SOBP: variants seen among roughly 807,000 people sequenced by gnomAD.
SOBP encodes sine oculis-binding protein homolog.
Under a neutral mutation model 53.6 loss-of-function variants are expected in SOBP, and 4 were observed. That is an observed-to-expected ratio of 0.07 (90% CI 0.04 to 0.17). SOBP has a LOEUF of 0.17. Ranked by LOEUF, SOBP falls within the 10% of genes least tolerant of loss-of-function variation. SOBP has a pLI of 1.00. For missense variants in SOBP, 1,088 were observed against 1,204.7 expected, an observed-to-expected ratio of 0.90 and a Z score of 1.43; for synonymous variants, 584 against 522.6, an observed-to-expected ratio of 1.12 and a Z score of -1.60.
rs991059925 is a variant in SOBP, at chr6:107,658,444, T to A, written c.*241T>A. The A allele has an allele frequency of 6.6e-6, 1 of 152,432 alleles. No individual in the cohort carries two copies. The highest frequency in any genetic ancestry group is 2.4e-5 in the African/African-American group (1 of 41,348). The allele number at this position is 152,432 out of a possible 1,614,324, so 9.4% of individuals were successfully genotyped here. A position where few individuals can be genotyped will look rare whatever the true frequency, so the allele number is the denominator to read the frequency against. ...AGGCCCAGCCTTCCTGCTGCCACCA[T>A]CTCTGCTTCTCCCCAGAGGAACTTA... On this transcript the variant is annotated 3_prime_UTR_variant, in exon 7 of 7. Coordinates refer to ENST00000317357, the MANE Select transcript of SOBP (RefSeq NM_018013.4).
At chr6:107,620,916 T>A (rs553731440) in intron 5 of SOBP, among the ~76,000 whole-genome samples, 26 of 152,310 alleles carry the variant, frequency 1.7e-4, no homozygotes, top group African/African-American at 6.0e-4. Context: ...AGTACAGTTT[T>A]CTTCTGCATC....
chr6:107,574,653 C>T (rs1319198978), intron 4 of SOBP, among the ~76,000 whole-genome samples: 1 of 152,160 alleles, frequency 6.6e-6, no homozygotes, highest in Admixed American at 6.5e-5. Flanking sequence ...CCTGGCACCA[C>T]TCCTATTTCA....
At chr6:107,564,496 T>A (rs182205713) in intron 4 of SOBP, among the ~76,000 whole-genome samples, 8 of 150,460 alleles carry the variant, frequency 5.3e-5, no homozygotes, top group Admixed American at 1.3e-4. Flanking sequence ...CAGGGCATAA[T>A]CTGCATTCCC....
intron 2 of SOBP, among the ~76,000 whole-genome samples, chr6:107,504,113 C>G (rs1312971623): frequency 6.6e-6 from 1 of 152,210 alleles, no homozygotes; most frequent in Non-Finnish European, 1.5e-5. Context: ...GTTTCCTGAT[C>G]ACTTTGATAG....
intron 4 of SOBP, among the ~76,000 whole-genome samples, chr6:107,549,654 TAGTA>T (rs1353265859): frequency 8.5e-5 from 13 of 152,238 alleles, no homozygotes; most frequent in African/African-American, 3.1e-4. Flanking sequence ...ATTTAGTACT[TAGTA>T]AGTATCAGTT....
At position 107,660,790 on chromosome 6, in the gene SOBP, C is replaced by T. The variant is rs755753078; in HGVS notation, c.*2587C>T. 1.3e-5 allele frequency among the ~76,000 whole-genome samples: 2 copies of T among 152,200 alleles called. No individual in the cohort carries two copies. The highest frequency in any genetic ancestry group is 2.4e-5 in the African/African-American group (1 of 41,444). On this transcript the variant is annotated 3_prime_UTR_variant, in exon 7 of 7. Coordinates refer to ENST00000317357, the MANE Select transcript of SOBP (RefSeq NM_018013.4). ...AAGCAACTCGACCTGTTCAGAGTCT[C>T]GCACTTAGTTGATTTAGCTTCTCAA...
intron 6 of SOBP, among the ~76,000 whole-genome samples, chr6:107,642,979 A>G (rs1307950171): frequency 1.3e-5 from 2 of 152,270 alleles, no homozygotes; most frequent in African/African-American, 2.4e-5. Context: ...TCAATTTGTA[A>G]TGATATCCTC....
At chr6:107,569,540 T>C (rs1785010621) in intron 4 of SOBP, among the ~76,000 whole-genome samples, 1 of 152,184 alleles carries the variant, frequency 6.6e-6, no homozygotes. Context: ...CCTCAACTTT[T>C]CGTTACTTTG....
intron 6 of SOBP, among the ~76,000 whole-genome samples, chr6:107,651,753 C>G (rs1771810359): frequency 6.6e-6 from 1 of 152,218 alleles, no homozygotes; most frequent in Non-Finnish European, 1.5e-5. Flanking sequence ...GGCTGACTCT[C>G]TTGGTAGGGG....
chr6:107,591,023 A>G lies in SOBP; in HGVS notation c.669+3848A>G, dbSNP rs576307215. ...TCAGTAGGAGAAATAAGGCACATAC[A>G]GTATCATAGTCGTCAAAAATGTGGG... On this transcript the variant is annotated intron_variant, in intron 5 of 6. Coordinates refer to ENST00000317357, the MANE Select transcript of SOBP (RefSeq NM_018013.4). Among the ~76,000 whole-genome samples the G allele has an allele frequency of 2.0e-5, 3 of 152,338 alleles. No individual in the cohort carries two copies. The East Asian group carries it at 5.8e-4, about 29-fold the overall frequency.
intron 4 of SOBP, among the ~76,000 whole-genome samples, chr6:107,537,933 A>G (rs1182631270): frequency 1.3e-5 from 2 of 152,200 alleles, no homozygotes; most frequent in Non-Finnish European, 2.9e-5. Flanking sequence ...ATAAGGATGC[A>G]TTAAAAAGAA....
chr6:107,533,620 C>A lies in SOBP; in HGVS notation c.573+10C>A, dbSNP rs763515717. On this transcript the variant is annotated intron_variant, in intron 4 of 6. Coordinates refer to ENST00000317357, the MANE Select transcript of SOBP (RefSeq NM_018013.4). ...CTTCAAGAGAAATAAGGTAAGAGCA[C>A]CGGAGAGAGAGGCGGCCCCCCACAG... 6 of 1,613,708 alleles carry A rather than the reference C, an allele frequency of 3.7e-6. No homozygotes were observed. In the African/African-American group the frequency reaches 8.0e-5, roughly 22 times the overall value.
chr6:107,652,427 C>T (rs1771840121), intron 6 of SOBP, among the ~76,000 whole-genome samples: 1 of 152,186 alleles, frequency 6.6e-6, no homozygotes, highest in Non-Finnish European at 1.5e-5. Context: ...TGAATTGCTG[C>T]AATCTCACGA....
intron 1 of SOBP, 65 bp downstream of exon 1, chr6:107,490,777 TG>T: frequency 7.8e-7 from 1 of 1,283,690 alleles, no homozygotes; most frequent in Non-Finnish European, 1.1e-6. Flanking sequence ...CCGTGGGCCG[TG>T]GTATGGATCT....
chr6:107,627,611 C>A, intron 5 of SOBP, among the ~76,000 whole-genome samples: 1 of 151,954 alleles, frequency 6.6e-6, no homozygotes, highest in East Asian at 1.9e-4. Context: ...CTAGAGCAAG[C>A]TAGAGAATGA....
intron 1 of SOBP, among the ~76,000 whole-genome samples, chr6:107,502,997 G>A (rs936246865): frequency 1.3e-5 from 2 of 152,174 alleles, no homozygotes; most frequent in Non-Finnish European, 2.9e-5. Flanking sequence ...TTGACCTCAA[G>A]TAATCTGTCT....
Position 107,635,463 on chromosome 6 carries a change from G to A in SOBP, c.2619G>A (p.Lys873=). 1 of 1,613,030 alleles carries A rather than the reference G, an allele frequency of 6.2e-7. No homozygotes were observed. The highest frequency in any genetic ancestry group is 8.5e-7 in the Non-Finnish European group (1 of 1,179,998). Residue 873 remains lysine (K), a synonymous_variant, in exon 6 of 7, where the codon AAG becomes AAA. Transcript: ENST00000317357. The surrounding 1 kb of genome is among the most constrained non-coding windows in gnomAD (Gnocchi z 4.5). ...RRCLRIRNQN[K] ...GCCTCCGAATTAGAAATCAGAATAA[G>A]TAAAAGGTTTGTATGTCCGCCGGGC... is the stretch of plus-strand genomic sequence containing the variant.
rs745477007 is a variant in SOBP, at chr6:107,595,350, C to CTTTTT, written c.669+8194_669+8198dup. Among the ~76,000 whole-genome samples, 842 of 88,082 alleles carry CTTTTT rather than the reference C, an allele frequency of 9.6e-3. 36 individuals are homozygous for CTTTTT. Among genetic ancestry groups the CTTTTT allele is most frequent in the East Asian group, 0.033 (71 of 2,138 alleles). 57.8% of individuals were successfully genotyped at this position (88,082 alleles called of 152,430 possible). ...AGTCTGACTGCTATAGATTTTGATC[C>CTTTTT]TTTTTTTTTTTTTTTTTTTTTTTAG... On this transcript the variant is annotated intron_variant, in intron 5 of 6. Coordinates refer to ENST00000317357, the MANE Select transcript of SOBP (RefSeq NM_018013.4).
At chr6:107,595,625 G>C (rs139578900) in intron 5 of SOBP, among the ~76,000 whole-genome samples, 238 of 152,118 alleles carry the variant, frequency 1.6e-3, no homozygotes, top group African/African-American at 5.3e-3. Flanking sequence ...AATCAGATAG[G>C]ATATCAATTA....
Sources: gnomAD v4.1 joint callset for allele counts (sites outside exome capture counted in the v4.1 genomes callset) on GRCh38, gnomAD v4.1.1 for gene constraint, Gnocchi (gnomAD v3.1) non-coding constraint, MANE v1.5 for transcripts, NCBI Gene and HGNC (gene_info 2026-07-23, HGNC 2026-07-21) for gene names.